Variants in DGKB observed in about 807,000 individuals in gnomAD.
The protein encoded by DGKB is 90 kDa diacylglycerol kinase.
In DGKB, 67 loss-of-function variants were observed where a neutral mutation model predicts 114.3. The ratio of observed to expected loss-of-function variants is 0.59; its 90% CI spans 0.48 to 0.72. DGKB has a LOEUF of 0.72. DGKB is among the 30% of genes least tolerant of loss of function. The pLI is 0.00. For synonymous variants in DGKB, 398 were observed against 323.1 expected (o/e 1.23, Z -2.49); for missense variants, 907 against 975.2 (o/e 0.93, Z 0.93).
upstream of DGKB, among the ~76,000 whole-genome samples, chr7:14,905,145 A>G (rs1003693183): frequency 6.6e-6 from 1 of 152,094 alleles, no homozygotes; most frequent in Non-Finnish European, 1.5e-5. Context: ...TATCTTCATT[A>G]TAAATAAGAA....
intron 21 of DGKB, among the ~76,000 whole-genome samples, chr7:14,352,290 C>G (rs1295113698): frequency 6.6e-6 from 1 of 151,948 alleles, no homozygotes; most frequent in African/African-American, 2.4e-5. Context: ...ACCCAAAGAT[C>G]AAATATTTTA....
intron 4 of DGKB, among the ~76,000 whole-genome samples, chr7:14,752,192 G>C (rs1005259924): frequency 2.0e-5 from 3 of 152,022 alleles, no homozygotes; most frequent in Non-Finnish European, 4.4e-5. Context: ...GTTCTAGAAG[G>C]ATAATTATAG....
At chr7:14,920,880 A>G (rs1191998298) in intron 1 of DGKB, among the ~76,000 whole-genome samples, 1 of 152,138 alleles carries the variant, frequency 6.6e-6, no homozygotes, top group Non-Finnish European at 1.5e-5. Context: ...TTTTCTGAGT[A>G]AGCCTGAAAA....
intron 25 of DGKB, among the ~76,000 whole-genome samples, chr7:14,172,740 G>C (rs555172085): frequency 1.3e-5 from 2 of 152,128 alleles, no homozygotes; most frequent in African/African-American, 2.4e-5. Context: ...AAACTTTACT[G>C]GTCATGTGTC....
intron 21 of DGKB, among the ~76,000 whole-genome samples, chr7:14,462,867 C>T (rs1833288714): frequency 6.6e-6 from 1 of 152,156 alleles, no homozygotes; most frequent in Non-Finnish European, 1.5e-5. Context: ...GTAACCAAAA[C>T]AGCATGGTAC....
intron 23 of DGKB, among the ~76,000 whole-genome samples, chr7:14,284,226 A>T (rs1800452918): frequency 1.3e-5 from 2 of 149,694 alleles, no homozygotes; most frequent in Non-Finnish European, 2.9e-5. Flanking sequence ...TTCTCAAAAG[A>T]AGACACTTAT....
intron 2 of DGKB, among the ~76,000 whole-genome samples, chr7:14,761,251 C>A (rs1835652322): frequency 6.6e-6 from 1 of 152,092 alleles, no homozygotes. Flanking sequence ...GGTCAATCTT[C>A]TAAAGATAAG....
At chr7:14,670,281 T>C (rs1818737997) in intron 13 of DGKB, among the ~76,000 whole-genome samples, 1 of 127,760 alleles carries the variant, frequency 7.8e-6, no homozygotes, top group South Asian at 2.8e-4. Context: ...CAGTATGTTA[T>C]ACTATATATA....
At chr7:14,179,796 C>T (rs1782368769) in intron 23 of DGKB, among the ~76,000 whole-genome samples, 1 of 152,070 alleles carries the variant, frequency 6.6e-6, no homozygotes, top group African/African-American at 2.4e-5. Context: ...GCTGTAGCAC[C>T]GGATTACTCC....
At position 14,282,699 on chromosome 7, in the gene DGKB, A is replaced by C. The variant is rs1157917790; in HGVS notation, c.2122+55816T>G. On this transcript the variant is annotated intron_variant, in intron 23 of 25. Transcript: ENST00000402815. ...GGGCTTCATCCCTGGGATGCAAGGC[A>C]GGTTCAATATACGCAAATCAATAAA... Among the ~76,000 whole-genome samples the C allele has an allele frequency of 5.6e-3, 843 of 151,410 alleles. 10 individuals are homozygous for C. The highest frequency in any genetic ancestry group is 0.02 in the African/African-American group (807 of 41,206).
chr7:14,741,562 A>C (rs1832587669), intron 4 of DGKB, among the ~76,000 whole-genome samples: 1 of 152,154 alleles, frequency 6.6e-6, no homozygotes, highest in South Asian at 2.1e-4. Context: ...GGCTTAGGGA[A>C]TGAGTAGTTT....
chr7:14,487,492 T>C (rs1342591685), intron 20 of DGKB, among the ~76,000 whole-genome samples: 1 of 152,120 alleles, frequency 6.6e-6, no homozygotes, highest in Non-Finnish European at 1.5e-5. Flanking sequence ...GAACTTTAAG[T>C]TAATCATTGT....
chr7:14,513,210 A>G (rs1563367795), intron 20 of DGKB, among the ~76,000 whole-genome samples: 2 of 152,072 alleles, frequency 1.3e-5, no homozygotes, highest in Non-Finnish European at 2.9e-5. Flanking sequence ...CCCATACTTT[A>G]TTATTCTATC....
In DGKB at chr7:14,669,528, C is replaced by G. The variant is rs368985183; in HGVS notation, c.1134+3401G>C. Among the ~76,000 whole-genome samples, 17 of 152,264 alleles carry G rather than the reference C, an allele frequency of 1.1e-4. No individual in the cohort carries two copies. In the East Asian group the frequency reaches 3.1e-3, roughly 28 times the overall value. ...GTCTCTTCAGTGAACATCTTGACAGCCTCTTTTATCACTGCAGCCCCAACA... is the reference window on the plus strand; with the variant it reads ...GTCTCTTCAGTGAACATCTTGACAGGCTCTTTTATCACTGCAGCCCCAACA... On this transcript the variant is annotated intron_variant, in intron 13 of 25. Coordinates refer to ENST00000402815, the MANE Select transcript of DGKB (RefSeq NM_001350709.2).
intron 23 of DGKB, among the ~76,000 whole-genome samples, chr7:14,233,443 T>C (rs1216028550): frequency 7.2e-5 from 11 of 152,046 alleles, no homozygotes; most frequent in Admixed American, 7.2e-4. Flanking sequence ...AGTCCCAGAA[T>C]TTCCTTTTTG....
intron 1 of DGKB, among the ~76,000 whole-genome samples, chr7:14,866,850 ATGAG>A (rs746565579): frequency 6.6e-6 from 1 of 152,296 alleles, no homozygotes; most frequent in Non-Finnish European, 1.5e-5. Flanking sequence ...CCCACCAGCA[ATGAG>A]TGAGAGTTCC....
At chr7:14,551,253 G>T (rs1584755639) in intron 20 of DGKB, among the ~76,000 whole-genome samples, 4 of 152,136 alleles carry the variant, frequency 2.6e-5, no homozygotes, top group East Asian at 1.9e-4. Context: ...ACTTGTCTTT[G>T]TCAGATTTCT....
At chr7:14,336,386 T>C (rs1810670150) in intron 23 of DGKB, among the ~76,000 whole-genome samples, 1 of 152,176 alleles carries the variant, frequency 6.6e-6, no homozygotes, top group South Asian at 2.1e-4. Flanking sequence ...ATCAAAACTA[T>C]AAGCTAGTCA....
chr7:14,438,465 T>G (rs1353735433), intron 21 of DGKB, among the ~76,000 whole-genome samples: 2 of 152,142 alleles, frequency 1.3e-5, no homozygotes, highest in African/African-American at 4.8e-5. Context: ...AAAGAGATAT[T>G]GTCAAGCCTG....
Sources: allele counts gnomAD v4.1 joint callset (sites outside exome capture counted in the v4.1 genomes callset), GRCh38; gene constraint gnomAD v4.1.1; transcripts MANE v1.5; gene names NCBI Gene and HGNC (gene_info 2026-07-23, HGNC 2026-07-21).